The following NALF1 variants were observed in gnomAD, a reference collection of about 807,000 sequenced individuals.
The protein encoded by NALF1 is family with sequence similarity 155 member A.
A neutral mutation model predicts 48.4 loss-of-function variants in NALF1; 3 were observed. That is an observed-to-expected ratio of 0.06 (90% CI 0.03 to 0.16). The LOEUF (loss-of-function observed/expected upper bound fraction) is 0.16, where lower values mean the gene tolerates loss of function less well. Among genes scored for constraint, NALF1 ranks in the 10% least tolerant of loss-of-function variants. NALF1 has a pLI of 1.00. For missense variants in NALF1, 526 were observed against 571.5 expected, an observed-to-expected ratio of 0.92 and a Z score of 0.81; for synonymous variants, 262 against 245.7, an observed-to-expected ratio of 1.07 and a Z score of -0.62.
chr13:107,445,599 A>G (rs1884636514), intron 1 of NALF1, among the ~76,000 whole-genome samples: 1 of 152,236 alleles, frequency 6.6e-6, no homozygotes, highest in African/African-American at 2.4e-5. Context: ...TTACTGGTTC[A>G]TATGGTAAGT....
At chr13:107,709,532 T>C in intron 1 of NALF1, among the ~76,000 whole-genome samples, 1 of 152,224 alleles carries the variant, frequency 6.6e-6, no homozygotes, top group African/African-American at 2.4e-5. Context: ...GGAAACTAGT[T>C]CTGGAAAGGA....
At chr13:107,699,501 G>A (rs989457115) in intron 1 of NALF1, among the ~76,000 whole-genome samples, 1 of 152,094 alleles carries the variant, frequency 6.6e-6, no homozygotes, top group Non-Finnish European at 1.5e-5. Flanking sequence ...CAACATTTAT[G>A]TCAAGCAAGA....
At chr13:107,459,870 T>C (rs1884889194) in intron 1 of NALF1, among the ~76,000 whole-genome samples, 1 of 152,144 alleles carries the variant, frequency 6.6e-6, no homozygotes, top group African/African-American at 2.4e-5. Flanking sequence ...GCTTCCCAAG[T>C]AGCTGGGACC....
intron 1 of NALF1, among the ~76,000 whole-genome samples, chr13:107,275,990 C>A (rs1881272863): frequency 6.6e-6 from 1 of 152,194 alleles, no homozygotes; most frequent in South Asian, 2.1e-4. Flanking sequence ...GGTCTCAGTT[C>A]TTTGTTCTAC....
intron 1 of NALF1, among the ~76,000 whole-genome samples, chr13:107,776,910 G>A (rs1213784962): frequency 6.6e-6 from 1 of 152,124 alleles, no homozygotes; most frequent in Non-Finnish European, 1.5e-5. Flanking sequence ...GGGCAATGTA[G>A]GAGGATCCTA....
At chr13:107,231,400 A>G (rs936129083) in intron 1 of NALF1, among the ~76,000 whole-genome samples, 4 of 152,210 alleles carry the variant, frequency 2.6e-5, no homozygotes, top group African/African-American at 9.6e-5. Flanking sequence ...GAGCCTTCAG[A>G]TCGTGGTTCT....
chr13:107,525,234 C>A (rs567731394), intron 1 of NALF1, among the ~76,000 whole-genome samples: 37 of 152,158 alleles, frequency 2.4e-4, no homozygotes, highest in South Asian at 1.2e-3. Flanking sequence ...AGTCCCGTCA[C>A]CCCCAAAAAC....
intron 1 of NALF1, among the ~76,000 whole-genome samples, chr13:107,382,669 C>T (rs1201833008): frequency 1.3e-5 from 2 of 152,218 alleles, no homozygotes; most frequent in African/African-American, 2.4e-5. Flanking sequence ...TTCCTCCAAT[C>T]TGGGACACTC....
intron 1 of NALF1, among the ~76,000 whole-genome samples, chr13:107,814,344 T>C (rs1173793585): frequency 1.3e-5 from 2 of 152,314 alleles, no homozygotes; most frequent in African/African-American, 4.8e-5. Flanking sequence ...CTGTAGACCC[T>C]TCCTTTTACT....
At chr13:107,806,889 T>A (rs1368207067) in intron 1 of NALF1, among the ~76,000 whole-genome samples, 2 of 152,180 alleles carry the variant, frequency 1.3e-5, no homozygotes, top group Non-Finnish European at 2.9e-5. Context: ...TCTTTCTAAA[T>A]CATTCTTATA....
intron 1 of NALF1, among the ~76,000 whole-genome samples, chr13:107,687,935 A>T (rs1338421431): frequency 6.6e-6 from 1 of 152,210 alleles, no homozygotes; most frequent in Non-Finnish European, 1.5e-5. Flanking sequence ...AAAACCAAAA[A>T]TTAGGCAAAA....
chr13:107,795,187 C>T (rs916320541), intron 1 of NALF1, among the ~76,000 whole-genome samples: 1 of 152,136 alleles, frequency 6.6e-6, no homozygotes, highest in Admixed American at 6.6e-5. Context: ...GCCTGTGTTT[C>T]TGGATAAAAT....
chr13:107,695,777 C>T (rs1044043396), intron 1 of NALF1, among the ~76,000 whole-genome samples: 2 of 152,172 alleles, frequency 1.3e-5, no homozygotes, highest in Non-Finnish European at 2.9e-5. Flanking sequence ...TTAAGCACAC[C>T]TTTATCAAAA....
chr13:107,238,869 T>G (rs1880407369), intron 1 of NALF1, among the ~76,000 whole-genome samples: 1 of 152,118 alleles, frequency 6.6e-6, no homozygotes, highest in Admixed American at 6.5e-5. Flanking sequence ...CACAGAATAA[T>G]ACAGGATTTT....
At chr13:107,655,489 A>G (rs1001565172) in intron 1 of NALF1, among the ~76,000 whole-genome samples, 2 of 152,090 alleles carry the variant, frequency 1.3e-5, no homozygotes, top group African/African-American at 2.4e-5. Context: ...ACTACAAAAC[A>G]CTGCTGAAAG....
intron 2 of NALF1, among the ~76,000 whole-genome samples, chr13:107,191,833 A>ATTTTTTTTTTTTTTTTT (rs66566638): frequency 3.6e-5 from 4 of 112,224 alleles, no homozygotes; most frequent in Non-Finnish European, 5.2e-5. Flanking sequence ...CACTATGCCT[A>ATTTTTTTTTTTTTTTTT]TTTTTTTTTT....
chr13:107,274,592 A>T (rs1881243279), intron 1 of NALF1, among the ~76,000 whole-genome samples: 2 of 152,188 alleles, frequency 1.3e-5, no homozygotes, highest in African/African-American at 4.8e-5. Flanking sequence ...ATTTAAAAAA[A>T]AATAGTATGG....
chr13:107,737,888 T>C (rs1406705183), intron 1 of NALF1, among the ~76,000 whole-genome samples: 1 of 152,144 alleles, frequency 6.6e-6, no homozygotes, highest in Non-Finnish European at 1.5e-5. Flanking sequence ...GAATAGAAAA[T>C]GCATCCACGT....
At chr13:107,218,764 C>G (rs1879930874) in intron 1 of NALF1, among the ~76,000 whole-genome samples, 1 of 151,972 alleles carries the variant, frequency 6.6e-6, no homozygotes, top group African/African-American at 2.4e-5. Flanking sequence ...AAGATTGTCA[C>G]ACAAAGATGG....
Sources: allele counts gnomAD v4.1 joint callset (sites outside exome capture counted in the v4.1 genomes callset), GRCh38; gene constraint gnomAD v4.1.1; transcripts MANE v1.5; gene names NCBI Gene and HGNC (gene_info 2026-07-23, HGNC 2026-07-21).